Variants in TSGA13 observed in about 807,000 individuals in gnomAD.
The protein encoded by TSGA13 is testis specific 13.
Under a neutral mutation model 35.1 loss-of-function variants are expected in TSGA13, and 37 were observed. The ratio of observed to expected loss-of-function variants is 1.05; its 90% CI spans 0.81 to 1.39. TSGA13 has a LOEUF of 1.39. Ranked by LOEUF, TSGA13 falls within the 40% of genes most tolerant of loss-of-function variation. The probability of loss-of-function intolerance (pLI) is 0.00; values close to 1 mark genes in which losing one functional copy is unlikely to be tolerated. For synonymous variants in TSGA13, 124 were observed against 121.2 expected, an observed-to-expected ratio of 1.02 and a Z score of -0.15; for missense variants, 338 against 328.5, an observed-to-expected ratio of 1.03 and a Z score of -0.22.
In TSGA13 at chr7:130,679,357, T is replaced by C. The variant is rs1368658503; in HGVS notation, c.185A>G (p.Tyr62Cys). The part of the protein sequence containing the change: ...YTVHPNLAQY[Y>C]KPLKATALQK... ...CAGGGCAGTGGCCTTCAAAGGCTTATAGTACTGGGCCTGAACAGACAGAAA... is the reference window on the plus strand; with the variant it reads ...CAGGGCAGTGGCCTTCAAAGGCTTACAGTACTGGGCCTGAACAGACAGAAA... Residue 62 changes from tyrosine (Y) to cysteine (C), a missense_variant, in exon 5 of 8, where the codon TAT (tyrosine) becomes TGT (cysteine). Coordinates refer to ENST00000356588, the MANE Select transcript of TSGA13 (RefSeq NM_052933.4). 16 of 1,611,232 alleles carry C rather than the reference T, an allele frequency of 9.9e-6. No individual in the cohort carries two copies. Among genetic ancestry groups the C allele is most frequent in the Non-Finnish European group, 1.3e-5 (15 of 1,178,620 alleles).
At chr7:130,670,355 T>A (rs1177882508) in intron 7 of TSGA13, among the ~76,000 whole-genome samples, 1 of 152,168 alleles carries the variant, frequency 6.6e-6, no homozygotes, top group East Asian at 1.9e-4. Flanking sequence ...GAGCAATCAC[T>A]GCAATGGCTT....
chr7:130,685,499 A>G (rs1554465623), intron 1 of TSGA13, 139 bp from the exon 2 acceptor site: 1 of 748,276 alleles, frequency 1.3e-6, no homozygotes, highest in African/African-American at 1.8e-5. Flanking sequence ...CCAATGTAAA[A>G]CAATAGTGAC....
intron 7 of TSGA13, 101 bp downstream of exon 7, chr7:130,671,560 C>T: frequency 7.5e-7 from 1 of 1,325,028 alleles, no homozygotes; most frequent in Middle Eastern, 3.0e-4. Flanking sequence ...CCAGGACTAC[C>T]ACGAGAGAAG....
Position 130,668,897 on chromosome 7 carries a change from G to A in TSGA13, c.*117C>T. On this transcript the variant is annotated 3_prime_UTR_variant, in exon 8 of 8. Transcript: ENST00000356588. ...CGGAGACTTCGGCTCGACCCTCCCG[G>A]CTTGCGACCCGGGAGCCCACGCCCG... is the stretch of plus-strand genomic sequence containing the variant. 6.9e-7 allele frequency: 1 copy of A among 1,459,626 alleles called. No individual in the cohort carries two copies. The highest frequency in any genetic ancestry group is 9.2e-7 in the Non-Finnish European group (1 of 1,088,954). 90.4% of individuals were successfully genotyped at this position (1,459,626 alleles called of 1,614,324 possible).
At position 130,668,864 on chromosome 7, in the gene TSGA13, C is replaced by G; in HGVS notation, c.*150G>C. On this transcript the variant is annotated 3_prime_UTR_variant, in exon 8 of 8. Transcript: ENST00000356588. ...GCAGCCACGCCCCCTTCTCCTCTTGCGGCCCGCCGGAGACTTCGGCTCGAC... is the reference window on the plus strand; with the variant it reads ...GCAGCCACGCCCCCTTCTCCTCTTGGGGCCCGCCGGAGACTTCGGCTCGAC... The G allele has an allele frequency of 2.9e-6, 4 of 1,361,526 alleles. No homozygotes were observed. The highest frequency in any genetic ancestry group is 2.5e-5 in the East Asian group (1 of 40,258). 84.3% of individuals were successfully genotyped at this position (1,361,526 alleles called of 1,614,324 possible).
At chr7:130,679,978 A>C (rs1796505916) in intron 4 of TSGA13, among the ~76,000 whole-genome samples, 2 of 152,164 alleles carry the variant, frequency 1.3e-5, no homozygotes, top group African/African-American at 4.8e-5. Context: ...ATATAATGGG[A>C]CAAGCAGAGA....
chr7:130,683,396 G>T lies in TSGA13; in HGVS notation c.102+198C>A, dbSNP rs548727403. Among the ~76,000 whole-genome samples the T allele has an allele frequency of 2.6e-5, 4 of 152,282 alleles. No homozygotes were observed. The South Asian group carries it at 8.3e-4, about 32-fold the overall frequency. Reference sequence around the variant, plus strand: ...CTTCCTGGGTTTTATGTCCTGATTTGTTGCTGATGTGTCCTGTTCCTTCTT... The same window carrying T: ...CTTCCTGGGTTTTATGTCCTGATTTTTTGCTGATGTGTCCTGTTCCTTCTT... On this transcript the variant is annotated intron_variant, in intron 3 of 7. Transcript: ENST00000356588.
chr7:130,673,126 T>C lies in TSGA13; in HGVS notation c.388-250A>G, dbSNP rs532376796. On this transcript the variant is annotated intron_variant, in intron 5 of 7. Transcript: ENST00000356588. ...TCCTAAGTAATTGATTAAATTTGCC[T>C]ACTGGCCCTTGGAAGTGAATGGCAG... Among the ~76,000 whole-genome samples, 5 of 152,368 alleles carry C rather than the reference T, an allele frequency of 3.3e-5. No homozygotes were observed. In the East Asian group the frequency reaches 9.6e-4, roughly 29 times the overall value.
At chr7:130,670,592 C>A (rs570454277) in intron 7 of TSGA13, among the ~76,000 whole-genome samples, 4 of 152,080 alleles carry the variant, frequency 2.6e-5, no homozygotes, top group Non-Finnish European at 5.9e-5. Context: ...ATATTTAAGG[C>A]ATTGTGGTAT....
chr7:130,672,649 C>T, intron 6 of TSGA13, 85 bp downstream of exon 6: 1 of 1,537,916 alleles, frequency 6.5e-7, no homozygotes, highest in South Asian at 1.3e-5. Context: ...AAGAATATGT[C>T]ATTAAATTGT....
At chr7:130,679,864 C>T (rs1796502879) in intron 4 of TSGA13, among the ~76,000 whole-genome samples, 1 of 152,140 alleles carries the variant, frequency 6.6e-6, no homozygotes, top group African/African-American at 2.4e-5. Flanking sequence ...GCTCTCAGTC[C>T]CTCTCTTCCC....
chr7:130,672,080 G>A (rs566696166), intron 6 of TSGA13, among the ~76,000 whole-genome samples: 3 of 151,796 alleles, frequency 2.0e-5, no homozygotes, highest in African/African-American at 4.8e-5. Flanking sequence ...TAGTAGAGAC[G>A]GTTTTCACCA....
intron 7 of TSGA13, among the ~76,000 whole-genome samples, chr7:130,670,655 T>C (rs541196660): frequency 2.4e-4 from 36 of 152,324 alleles, no homozygotes; most frequent in South Asian, 2.3e-3. Flanking sequence ...GGTCTCACTC[T>C]GTTACCCAGG....
chr7:130,679,756 T>C (rs1796500611), intron 4 of TSGA13, among the ~76,000 whole-genome samples: 1 of 152,142 alleles, frequency 6.6e-6, no homozygotes, highest in Non-Finnish European at 1.5e-5. Flanking sequence ...ACTCCTGGGC[T>C]CAAGCGATGC....
In TSGA13 at chr7:130,673,002, G is replaced by A. The variant is rs1430893511; in HGVS notation, c.388-126C>T. The stretch of plus-strand genomic sequence containing the variant: ...TCATGCAACAAAACCTGTCAGAGGG[G>A]GAAGTGGGAACTCAGAAACCAGAAT... On this transcript the variant is annotated intron_variant, in intron 5 of 7. Transcript: ENST00000356588. 3 of 1,105,860 alleles carry A rather than the reference G, an allele frequency of 2.7e-6. No individual in the cohort carries two copies. The East Asian group carries it at 8.6e-5, about 32-fold the overall frequency. The allele number at this position is 1,105,860 out of a possible 1,614,324, so 68.5% of individuals were successfully genotyped here. A position where few individuals can be genotyped will look rare whatever the true frequency, so the allele number is the denominator to read the frequency against.
chr7:130,679,185 A>C lies in TSGA13; in HGVS notation c.357T>G (p.Tyr119Ter). The change falls in exon 5 of 8, where the codon TAT (tyrosine) becomes TAG (stop). Residue 119 changes from tyrosine (Y) to a stop codon, truncating the protein, a stop_gained. Coordinates refer to ENST00000356588, the MANE Select transcript of TSGA13 (RefSeq NM_052933.4). LOFTEE classifies it high-confidence loss of function. ...TQQDKESASKYFSKELLLKVM... is the reference protein window; with the variant it reads ...TQQDKESASK ...CCTTGAGCAGTAACTCCTTGGAAAAATATTTTGATGCACTCTCCTTGTCTT... is the reference window on the plus strand; with the variant it reads ...CCTTGAGCAGTAACTCCTTGGAAAACTATTTTGATGCACTCTCCTTGTCTT... The C allele has an allele frequency of 6.2e-7, 1 of 1,614,110 alleles. No individual in the cohort carries two copies. The highest frequency in any genetic ancestry group is 8.5e-7 in the Non-Finnish European group (1 of 1,180,008).
intron 4 of TSGA13, among the ~76,000 whole-genome samples, chr7:130,680,508 A>G (rs1163866932): frequency 3.7e-5 from 2 of 53,950 alleles, no homozygotes; most frequent in African/African-American, 6.4e-5. Flanking sequence ...TCCATCTCAG[A>G]AAAAAAAAAA....
In TSGA13 at chr7:130,671,775, T is replaced by C. The variant is rs372145399; in HGVS notation, c.544A>G (p.Asn182Asp). The change falls in exon 7 of 8, where the codon AAT (asparagine) becomes GAT (aspartate). Residue 182 changes from asparagine to aspartate, a missense_variant. Physicochemically the swap from Asn to Asp is conservative, Grantham distance 23. Coordinates refer to ENST00000356588, the MANE Select transcript of TSGA13 (RefSeq NM_052933.4). ...TACTTCCCTTCGCTCTTGAAATCAT[T>C]GTCAGTGGAAAACCTTAACAAAGAA... ...REQWFRFSTD[N>D]DFKSEGKYSK... 38 of 1,592,450 alleles carry C rather than the reference T, an allele frequency of 2.4e-5. No homozygotes were observed. In the African/African-American group the frequency reaches 3.0e-4, roughly 12 times the overall value.
chr7:130,681,086 T>G, intron 3 of TSGA13, 69 bp from the exon 4 acceptor site: 1 of 1,333,278 alleles, frequency 7.5e-7, no homozygotes, highest in Non-Finnish European at 1.1e-6. Context: ...ATTCCTTACC[T>G]CACCTTAGTC....
Sources: allele counts gnomAD v4.1 joint callset (sites outside exome capture counted in the v4.1 genomes callset), GRCh38; gene constraint gnomAD v4.1.1; transcripts MANE v1.5; gene names NCBI Gene and HGNC (gene_info 2026-07-23, HGNC 2026-07-21).